Variants in FGD5 observed in about 807,000 individuals in gnomAD.
FGD5 encodes the protein FYVE, RhoGEF and PH domain containing 5.
In FGD5, 28 loss-of-function variants were observed where a neutral mutation model predicts 133.4. The observed-to-expected ratio is 0.21, with a 90% CI of 0.16 to 0.29. The LOEUF is 0.29. Among genes scored for constraint, FGD5 ranks in the 10% least tolerant of loss-of-function variants. The pLI, the probability that FGD5 is intolerant of heterozygous loss-of-function variation, is 1.00. For missense variants in FGD5, 1,858 were observed against 1,895.2 expected, an observed-to-expected ratio of 0.98 and a Z score of 0.36; for synonymous variants, 810 against 776.5, an observed-to-expected ratio of 1.04 and a Z score of -0.72.
intron 4 of FGD5, among the ~76,000 whole-genome samples, chr3:14,891,120 T>G (rs2038017507): frequency 6.6e-6 from 1 of 152,182 alleles, no homozygotes; most frequent in Non-Finnish European, 1.5e-5. Context: ...TTTCTTTCTT[T>G]TCCTGGGATG....
intron 4 of FGD5, chr3:14,897,189 A>G (rs1354335252): frequency 1.0e-5 from 3 of 297,158 alleles, no homozygotes; most frequent in South Asian, 5.6e-5. Context: ...GAATTACCCA[A>G]TCTCTCCCCT....
chr3:14,853,303 G>A (rs966664327), intron 1 of FGD5, among the ~76,000 whole-genome samples: 7 of 152,132 alleles, frequency 4.6e-5, no homozygotes, highest in East Asian at 1.9e-4. Flanking sequence ...GGAGTGGAGC[G>A]AATGTCTGAG....
chr3:14,927,323 A>AT (rs1314906149), intron 18 of FGD5, among the ~76,000 whole-genome samples: 15 of 152,164 alleles, frequency 9.9e-5, no homozygotes. Context: ...GCATAAGCTT[A>AT]TTTTAAAAGG....
chr3:14,897,394 T>C lies in FGD5; in HGVS notation c.2749-115T>C, dbSNP rs1445859636. 8 of 1,226,580 alleles carry C rather than the reference T, an allele frequency of 6.5e-6. No homozygotes were observed. The East Asian group carries it at 1.8e-4, about 27-fold the overall frequency. The allele number at this position is 1,226,580 out of a possible 1,614,324, so 76.0% of individuals were successfully genotyped here. A position where few individuals can be genotyped will look rare whatever the true frequency, so the allele number is the denominator to read the frequency against. On this transcript the variant is annotated intron_variant, in intron 4 of 19. Transcript: ENST00000285046. The stretch of plus-strand genomic sequence containing the variant: ...TTGGGTCTGGAGACACTGGCTTAAG[T>C]CCTCACTGCTGTCTTCACAGAGGCC...
intron 1 of FGD5, among the ~76,000 whole-genome samples, chr3:14,833,614 C>T (rs2036760077): frequency 6.6e-6 from 1 of 152,060 alleles, no homozygotes; most frequent in South Asian, 2.1e-4. Flanking sequence ...CAGATAGCAT[C>T]CTGAGGAAGC....
intron 16 of FGD5, chr3:14,923,394 A>G (rs1160968823): frequency 3.3e-6 from 2 of 608,860 alleles, no homozygotes; most frequent in African/African-American, 3.7e-5. Context: ...CTCTGTGGGT[A>G]GCTAAGCTTA....
rs532702181 is a variant in FGD5, at chr3:14,873,537, T to C, written c.2659-7035T>C. 2.0e-5 allele frequency among the ~76,000 whole-genome samples: 3 copies of C among 152,166 alleles called. No homozygotes were observed. The South Asian group carries it at 6.3e-4, about 32-fold the overall frequency. On this transcript the variant is annotated intron_variant, in intron 2 of 19. Transcript: ENST00000285046. ...ATGGCTGGACCTTTCCAGAATTAAG[T>C]GCGATGGGGAGGGCTGTGTCTTGTT...
chr3:14,922,638 A>G lies in FGD5; in HGVS notation c.3807+90A>G. 1 of 1,488,678 alleles carries G rather than the reference A, an allele frequency of 6.7e-7. No individual in the cohort carries two copies. The highest frequency in any genetic ancestry group is 1.4e-5 in the African/African-American group (1 of 72,488). 92.2% of individuals were successfully genotyped at this position (1,488,678 alleles called of 1,614,324 possible). ...CCCAGCCGGGGGCTCAGGGATGTCC[A>G]GCAGCTACTGTAAGCCCCAGAGTGA... On this transcript the variant is annotated intron_variant, in intron 15 of 19. Transcript: ENST00000285046. The surrounding 1 kb of genome is among the most constrained non-coding windows in gnomAD (Gnocchi z 4.1).
chr3:14,858,694 C>G (rs556592766), intron 1 of FGD5, among the ~76,000 whole-genome samples: 1 of 152,184 alleles, frequency 6.6e-6, no homozygotes, highest in South Asian at 2.1e-4. Context: ...TTTGACCATA[C>G]TGAGCAGAGT....
In FGD5 at chr3:14,908,404, CT is replaced by C. The variant is rs2038379095; in HGVS notation, c.3336+694del. 2.0e-5 allele frequency among the ~76,000 whole-genome samples: 3 copies of C among 152,150 alleles called. No individual in the cohort carries two copies. In the South Asian group the frequency reaches 6.2e-4, roughly 32 times the overall value. On this transcript the variant is annotated intron_variant, in intron 10 of 19. Coordinates refer to ENST00000285046, the MANE Select transcript of FGD5 (RefSeq NM_152536.4). ...TTAGTAGACCTTCCGAGGCTCTGTT[CT>C]GAATGGACTCCTCGTGGGTACAAAC...
chr3:14,914,808 A>G (rs2038520211), intron 11 of FGD5, among the ~76,000 whole-genome samples: 1 of 152,176 alleles, frequency 6.6e-6, no homozygotes, highest in Non-Finnish European at 1.5e-5. Flanking sequence ...GAGGATGATG[A>G]TCATGGTGCC....
chr3:14,894,593 G>A (rs2038096997), intron 4 of FGD5, among the ~76,000 whole-genome samples: 1 of 147,518 alleles, frequency 6.8e-6, no homozygotes, highest in South Asian at 2.1e-4. Context: ...ATGGCTCACT[G>A]CAGGATTGAC....
chr3:14,859,513 A>C (rs2037354823), intron 1 of FGD5, among the ~76,000 whole-genome samples: 1 of 152,090 alleles, frequency 6.6e-6, no homozygotes, highest in Admixed American at 6.5e-5. Flanking sequence ...AGCAGAGATC[A>C]CATCACACTG....
intron 2 of FGD5, among the ~76,000 whole-genome samples, chr3:14,870,196 G>T (rs1476611469): frequency 6.6e-6 from 1 of 152,224 alleles, no homozygotes. Flanking sequence ...AGCCTTCCAG[G>T]CAGAGGAGAG....
rs148860296 is a variant in FGD5 at position 14,873,155 on chromosome 3, G to A, written c.2659-7417G>A. On this transcript the variant is annotated intron_variant, in intron 2 of 19. Coordinates refer to ENST00000285046, the MANE Select transcript of FGD5 (RefSeq NM_152536.4). ...AACTGAAAGAGGGAAGGAGTGTAAT[G>A]ATGTGTGTCCAACCTCCCATCACAT... Among the ~76,000 whole-genome samples the A allele has an allele frequency of 6.9e-3, 1,044 of 152,240 alleles. 6 individuals are homozygous for A. Among genetic ancestry groups the A allele is most frequent in the Admixed American group, 0.016 (246 of 15,284 alleles).
chr3:14,858,355 GTGGATGGA>G (rs61642170), intron 1 of FGD5, among the ~76,000 whole-genome samples: 65 of 130,978 alleles, frequency 5.0e-4, no homozygotes, highest in Middle Eastern at 3.8e-3. Context: ...GGGTGGGTGG[GTGGATGGA>G]TGGATGGATG....
chr3:14,838,947 T>C (rs1292607862), intron 1 of FGD5, among the ~76,000 whole-genome samples: 3 of 152,254 alleles, frequency 2.0e-5, no homozygotes, highest in African/African-American at 7.2e-5. Flanking sequence ...CCACCTGTTA[T>C]ATTCTGGCCC....
upstream of FGD5, among the ~76,000 whole-genome samples, chr3:14,815,871 G>A (rs757733372): frequency 2.2e-4 from 34 of 152,200 alleles, no homozygotes; most frequent in Non-Finnish European, 7.3e-5. Flanking sequence ...GGACTCGCTG[G>A]GTAGCCCCAC....
chr3:14,908,795 G>T lies in FGD5; in HGVS notation c.3336+1084G>T, dbSNP rs184110576. Among the ~76,000 whole-genome samples the T allele has an allele frequency of 2.2e-3, 336 of 151,480 alleles. 1 individual carries two copies. Among genetic ancestry groups the T allele is most frequent in the African/African-American group, 6.9e-3 (285 of 41,376 alleles). ...CTCGGGAGGCTGAGGCAGGATAATCGCTTAAACCCAGGAGGCAGAGGTTGC... is the reference window on the plus strand; with the variant it reads ...CTCGGGAGGCTGAGGCAGGATAATCTCTTAAACCCAGGAGGCAGAGGTTGC... On this transcript the variant is annotated intron_variant, in intron 10 of 19. Transcript: ENST00000285046.
Sources: allele counts gnomAD v4.1 joint callset (sites outside exome capture counted in the v4.1 genomes callset), GRCh38; gene constraint gnomAD v4.1.1; non-coding constraint Gnocchi (gnomAD v3.1); transcripts MANE v1.5; gene names NCBI Gene and HGNC (gene_info 2026-07-23, HGNC 2026-07-21).